The following LRRK1 variants were observed in gnomAD, a reference collection of about 807,000 sequenced individuals.
LRRK1 encodes the protein leucine rich repeat kinase 1.
In LRRK1, 113 loss-of-function variants were observed where a neutral mutation model predicts 209.1. That is an observed-to-expected ratio of 0.54 (90% confidence interval 0.46 to 0.63). The LOEUF (loss-of-function observed/expected upper bound fraction) is 0.63. Among genes scored for constraint, LRRK1 ranks in the 30% least tolerant of loss-of-function variants. The probability of loss-of-function intolerance (pLI) is 0.00; values close to 1 mark genes in which losing one functional copy is unlikely to be tolerated. For missense variants in LRRK1, 2,284 were observed against 2,632.2 expected (o/e 0.87, Z 2.89); for synonymous variants, 1,144 against 1,099.7 (o/e 1.04, Z -0.80).
At chr15:101,048,792 C>G (rs2035227746) in intron 22 of LRRK1, 135 bp downstream of exon 22, 2 of 671,836 alleles carry the variant, frequency 3.0e-6, no homozygotes, top group South Asian at 5.0e-5. Flanking sequence ...TGGCAGCTTG[C>G]TAGAAATGTG....
chr15:101,025,191 C>T (rs904590622), intron 16 of LRRK1, among the ~76,000 whole-genome samples: 6 of 152,188 alleles, frequency 3.9e-5, no homozygotes, highest in Admixed American at 1.3e-4. Flanking sequence ...TTAGGAACCC[C>T]CACCCTTGGA....
At chr15:100,962,821 A>AT (rs1430253898) in intron 2 of LRRK1, among the ~76,000 whole-genome samples, 1 of 14,698 alleles carries the variant, frequency 6.8e-5, no homozygotes, top group Non-Finnish European at 1.6e-4. Flanking sequence ...ATATATATAT[A>AT]TATTTTTTTT....
At chr15:100,927,107 C>A (rs1341965695) in intron 2 of LRRK1, among the ~76,000 whole-genome samples, 1 of 152,186 alleles carries the variant, frequency 6.6e-6, no homozygotes, top group Admixed American at 6.5e-5. Context: ...GTGCACATGT[C>A]CCCTGGGGAT....
intron 2 of LRRK1, among the ~76,000 whole-genome samples, chr15:100,950,974 G>T (rs1466745466): frequency 1.3e-5 from 2 of 152,162 alleles, no homozygotes; most frequent in Non-Finnish European, 2.9e-5. Flanking sequence ...GTGGTGGCGG[G>T]CGCCTGTAGT....
intron 2 of LRRK1, among the ~76,000 whole-genome samples, chr15:100,933,340 G>C (rs1265136032): frequency 6.6e-6 from 1 of 152,102 alleles, no homozygotes; most frequent in Admixed American, 6.5e-5. Context: ...CTGCTGCTTG[G>C]CACTGGGTGG....
Position 101,021,049 on chromosome 15 carries a change from G to T in LRRK1, c.1610-4G>T. 6.2e-7 allele frequency: 1 copy of T among 1,614,024 alleles called. No homozygotes were observed. The highest frequency in any genetic ancestry group is 1.7e-5 in the Admixed American group (1 of 60,018). On this transcript the variant is annotated splice_polypyrimidine_tract_variant and splice_region_variant and intron_variant, in intron 12 of 33. Transcript: ENST00000388948. ...ATGCAGTCTGCTTTGCCATGTCTTT[G>T]CAGCAAGTGTGCTGGAATTTCCGGC...
rs767946647 is a variant in LRRK1, at chr15:101,027,234, A to G, written c.2406-27A>G. ...CGCTTCCTCGGAGTGGGGCATGATGAGTAAAGACGGGTCTTTTTGCTCACA... is the reference window on the plus strand; with the variant it reads ...CGCTTCCTCGGAGTGGGGCATGATGGGTAAAGACGGGTCTTTTTGCTCACA... On this transcript the variant is annotated intron_variant, in intron 17 of 33. Coordinates refer to ENST00000388948, the MANE Select transcript of LRRK1 (RefSeq NM_024652.6). The surrounding 1 kb of genome is among the most constrained non-coding windows in gnomAD (Gnocchi z 5.1). 1.2e-6 allele frequency: 2 copies of G among 1,613,174 alleles called. No individual in the cohort carries two copies. The highest frequency in any genetic ancestry group is 1.3e-5 in the African/African-American group (1 of 74,898).
intron 12 of LRRK1, among the ~76,000 whole-genome samples, chr15:101,019,698 C>A (rs1230000088): frequency 6.6e-6 from 1 of 152,214 alleles, no homozygotes; most frequent in African/African-American, 2.4e-5. Context: ...ACTCCGGCTT[C>A]TCTATTTTCC....
intron 30 of LRRK1, among the ~76,000 whole-genome samples, chr15:101,061,913 C>G (rs1234624941): frequency 6.6e-6 from 1 of 152,206 alleles, no homozygotes; most frequent in Non-Finnish European, 1.5e-5. Context: ...GAGGCTGAGG[C>G]AGGAGAATCG....
At position 101,008,920 on chromosome 15, in the gene LRRK1, G is replaced by A; in HGVS notation, c.846G>A (p.Glu282=). 6.2e-7 allele frequency: 1 copy of A among 1,614,194 alleles called. No homozygotes were observed. Among genetic ancestry groups the A allele is most frequent in the South Asian group, 1.1e-5 (1 of 91,086 alleles). The change falls in exon 7 of 34, where the codon GAG becomes GAA. Residue 282 remains glutamate (E), a synonymous_variant. Transcript: ENST00000388948. ...TAGACATCTCCTGCCAGATCACGGAGCTCGACCTTTCTGCCAACTGCCTGG... is the reference window on the plus strand; with the variant it reads ...TAGACATCTCCTGCCAGATCACGGAACTCGACCTTTCTGCCAACTGCCTGG... ...WLIDISCQIT[E]LDLSANCLAT... is the part of the protein sequence containing the mutation.
At chr15:100,972,335 TGA>T (rs747771078) in intron 2 of LRRK1, among the ~76,000 whole-genome samples, 42 of 106,206 alleles carry the variant, frequency 4.0e-4, no homozygotes, top group African/African-American at 1.2e-3. Context: ...TATATATATA[TGA>T]GAGAGAGAGA....
In LRRK1 at chr15:100,973,934, G is replaced by A. The variant is rs945844784; in HGVS notation, c.228G>A (p.Glu76=). The change falls in exon 3 of 34, where the codon GAG becomes GAA. Residue 76 remains glutamate, a synonymous_variant. Coordinates refer to ENST00000388948, the MANE Select transcript of LRRK1 (RefSeq NM_024652.6). ...DRGGARDLLE[E]ACDQCASQLE... The stretch of plus-strand genomic sequence containing the variant: ...GCGGCGCCCGGGACCTGCTGGAGGA[G>A]GCCTGCGACCAGTGCGCGTCCCAGC... The A allele has an allele frequency of 1.6e-6, 2 of 1,261,522 alleles. No individual in the cohort carries two copies. The highest frequency in any genetic ancestry group is 3.1e-5 in the South Asian group (1 of 32,504). The allele number at this position is 1,261,522 out of a possible 1,614,324, so 78.1% of individuals were successfully genotyped here. A position where few individuals can be genotyped will look rare whatever the true frequency, so the allele number is the denominator to read the frequency against.
At position 101,077,253 on chromosome 15, in the gene LRRK1, G is replaced by C. The variant is rs1275436800; in HGVS notation, c.*8405G>C. The C allele has an allele frequency of 1.3e-5, 2 of 152,160 alleles. No homozygotes were observed. Among genetic ancestry groups the C allele is most frequent in the African/African-American group, 4.8e-5 (2 of 41,430 alleles). 9.4% of individuals were successfully genotyped at this position (152,160 alleles called of 1,614,324 possible). A position where few individuals can be genotyped will look rare whatever the true frequency, so the allele number is the denominator to read the frequency against. On this transcript the variant is annotated 3_prime_UTR_variant, in exon 34 of 34. Coordinates refer to ENST00000388948, the MANE Select transcript of LRRK1 (RefSeq NM_024652.6). ...TCATTCCAGACACCAGACCAACTTG[G>C]ACTGTGCCCCAAAAAACTTGTCATC...
At position 100,948,490 on chromosome 15, in the gene LRRK1, T is replaced by C. The variant is rs76399220; in HGVS notation, c.97+23761T>C. ...CCACCAATTAAAGAGCATGTTTGTT[T>C]CCTCATATTAACCCTTTGTCTATAC... is the stretch of plus-strand genomic sequence containing the variant. On this transcript the variant is annotated intron_variant, in intron 2 of 33. Transcript: ENST00000388948. Among the ~76,000 whole-genome samples, 90 of 152,364 alleles carry C rather than the reference T, an allele frequency of 5.9e-4. 3 individuals carry two copies. In the East Asian group the frequency reaches 0.014, roughly 23 times the overall value.
At chr15:101,019,693 G>A (rs575218733) in intron 12 of LRRK1, among the ~76,000 whole-genome samples, 7 of 152,290 alleles carry the variant, frequency 4.6e-5, no homozygotes, top group Admixed American at 6.5e-5. Flanking sequence ...AAAGAACTCC[G>A]GCTTCTCTAT....
intron 24 of LRRK1, among the ~76,000 whole-genome samples, chr15:101,052,560 A>C (rs2035523201): frequency 6.6e-6 from 1 of 152,254 alleles, no homozygotes; most frequent in Non-Finnish European, 1.5e-5. Context: ...ACCCAAGATC[A>C]TAACTAGAGA....
Position 101,012,010 on chromosome 15 carries a change from ATGT to A in LRRK1, c.1288_1290del (p.Cys430del). ...TTTTTTTCTCGTCAATCTCTTAGAA[ATGT>A]TGTAAAGCTTCCAGAAATGCCCTGG... is the stretch of plus-strand genomic sequence containing the variant. On this transcript the variant is annotated inframe_deletion, in exon 10 of 34. Coordinates refer to ENST00000388948, the MANE Select transcript of LRRK1 (RefSeq NM_024652.6). 6.3e-7 allele frequency: 1 copy of A among 1,595,558 alleles called. No homozygotes were observed. Among genetic ancestry groups the A allele is most frequent in the South Asian group, 1.1e-5 (1 of 87,052 alleles).
rs1245703001 is a variant in LRRK1 at position 101,015,378 on chromosome 15, C to T, written c.1585C>T (p.Arg529Cys). Residue 529 changes from arginine (R) to cysteine (C), a missense_variant, in exon 12 of 34, where the codon CGC (arginine) becomes TGC (cysteine). Around this residue, in one of 6 missense-constraint regions of LRRK1, gnomAD observed 494 missense variants for 522.1 expected, o/e 0.95. Transcript: ENST00000388948. ...TATTGCCTTTTTCACCACCAGAGGT[C>T]GCCAGCGCTCCGGGACTGAGGCAGG... ...KRIAFFTTRG[R>C]QRSGTEAASV... The T allele has an allele frequency of 3.1e-6, 5 of 1,613,682 alleles. No individual in the cohort carries two copies. Among genetic ancestry groups the T allele is most frequent in the South Asian group, 1.1e-5 (1 of 90,964 alleles).
chr15:101,067,937 C>T (rs1214155789), intron 33 of LRRK1, among the ~76,000 whole-genome samples: 1 of 152,248 alleles, frequency 6.6e-6, no homozygotes, highest in Non-Finnish European at 1.5e-5. Context: ...AGGGAGGCTC[C>T]TCCCCTAAGG....
Sources: gnomAD v4.1 joint callset for allele counts (sites outside exome capture counted in the v4.1 genomes callset) on GRCh38, gnomAD v4.1.1 for gene constraint, gnomAD v4.1.1 regional missense constraint, Gnocchi (gnomAD v3.1) non-coding constraint, MANE v1.5 for transcripts, NCBI Gene and HGNC (gene_info 2026-07-23, HGNC 2026-07-21) for gene names.